SCHIP1: variants seen among roughly 807,000 people sequenced by gnomAD.
The protein encoded by SCHIP1 is schwannomin-interacting protein 1.
In SCHIP1, 8 loss-of-function variants were observed where a neutral mutation model predicts 29.7. The observed-to-expected ratio is 0.27, with a 90% CI of 0.16 to 0.49. SCHIP1 has a LOEUF of 0.49. SCHIP1 is among the 20% of genes least tolerant of loss of function. The pLI is 0.99. For synonymous variants in SCHIP1, 76 were observed against 94.9 expected, an observed-to-expected ratio of 0.80 and a Z score of 1.16; for missense variants, 193 against 294.6, an observed-to-expected ratio of 0.66 and a Z score of 2.52.
chr3:159,316,855 GT>G, the SCHIP1 span, among the ~76,000 whole-genome samples: 12 of 152,176 alleles, frequency 7.9e-5, no homozygotes, highest in Non-Finnish European at 1.5e-4. Flanking sequence ...GCACAAACAT[GT>G]TTTTAACAAA....
the SCHIP1 span, among the ~76,000 whole-genome samples, chr3:159,511,496 C>A: frequency 6.6e-6 from 1 of 152,304 alleles, no homozygotes; most frequent in East Asian, 1.9e-4. Flanking sequence ...GTTCAATGAG[C>A]CCCAGTGAGA....
the SCHIP1 span, among the ~76,000 whole-genome samples, chr3:159,750,282 TATATATATATATATAC>T: frequency 9.8e-5 from 3 of 30,698 alleles, no homozygotes; most frequent in Admixed American, 3.5e-4. Context: ...TATATATATA[TATATATATATATATAC>T]ACACACACAC....
chr3:159,723,865 C>A, the SCHIP1 span, among the ~76,000 whole-genome samples: 1 of 152,186 alleles, frequency 6.6e-6, no homozygotes, highest in African/African-American at 2.4e-5. Flanking sequence ...CCAAAAGAAC[C>A]TTGACCAAAA....
chr3:159,577,380 T>C, the SCHIP1 span, among the ~76,000 whole-genome samples: 2 of 152,214 alleles, frequency 1.3e-5, no homozygotes, highest in African/African-American at 4.8e-5. Flanking sequence ...TTTTGTCAGG[T>C]AACATTTTCT....
the SCHIP1 span, among the ~76,000 whole-genome samples, chr3:159,556,340 C>A: frequency 6.6e-6 from 1 of 152,034 alleles, no homozygotes; most frequent in Non-Finnish European, 1.5e-5. Context: ...CTAGTTCAAC[C>A]ATTGTGGAAG....
chr3:159,306,142 T>A, the SCHIP1 span, among the ~76,000 whole-genome samples: 1 of 152,218 alleles, frequency 6.6e-6, no homozygotes, highest in Admixed American at 6.5e-5. Context: ...TTAATCACCA[T>A]CTGCAGTAAC....
At chr3:159,674,157 C>T in the SCHIP1 span, among the ~76,000 whole-genome samples, 1 of 152,214 alleles carries the variant, frequency 6.6e-6, no homozygotes, top group Non-Finnish European at 1.5e-5. Context: ...CACAAACTTT[C>T]ACTCTCTTCA....
chr3:159,296,210 G>A, the SCHIP1 span, among the ~76,000 whole-genome samples: 14 of 151,246 alleles, frequency 9.3e-5, no homozygotes, highest in African/African-American at 3.4e-4. Flanking sequence ...TTTCACATGT[G>A]AACATAAAAA....
chr3:159,514,965 C>G, the SCHIP1 span, among the ~76,000 whole-genome samples: 1 of 151,814 alleles, frequency 6.6e-6, no homozygotes, highest in African/African-American at 2.4e-5. Context: ...CCCTAGACTC[C>G]TTTTTTCCCT....
the SCHIP1 span, among the ~76,000 whole-genome samples, chr3:159,834,223 A>C: frequency 1.3e-5 from 2 of 152,346 alleles, no homozygotes; most frequent in East Asian, 1.9e-4. Context: ...TGAGTAAACC[A>C]ACCAAGATGT....
At chr3:159,449,572 G>A in the SCHIP1 span, among the ~76,000 whole-genome samples, 1 of 151,986 alleles carries the variant, frequency 6.6e-6, no homozygotes, top group Non-Finnish European at 1.5e-5. Flanking sequence ...TCATTATATG[G>A]ATAAGAAAAG....
chr3:159,366,941 CT>C, the SCHIP1 span, among the ~76,000 whole-genome samples: 2 of 152,150 alleles, frequency 1.3e-5, no homozygotes, highest in African/African-American at 4.8e-5. Context: ...TTCAATGCCC[CT>C]GGAAACTAGA....
At chr3:159,673,547 A>T in the SCHIP1 span, among the ~76,000 whole-genome samples, 7 of 152,198 alleles carry the variant, frequency 4.6e-5, no homozygotes, top group Non-Finnish European at 4.4e-5. Context: ...AGGTTCCTGG[A>T]GGAAAGAACT....
the SCHIP1 span, among the ~76,000 whole-genome samples, chr3:159,821,933 G>A: frequency 6.6e-6 from 1 of 152,250 alleles, no homozygotes; most frequent in African/African-American, 2.4e-5. Context: ...GCAGGGACTG[G>A]AGACAGTGTG....
the SCHIP1 span, among the ~76,000 whole-genome samples, chr3:159,780,629 G>C: frequency 9.2e-5 from 14 of 152,278 alleles, no homozygotes; most frequent in East Asian, 2.7e-3. Context: ...ATGCCAAGTT[G>C]GCATCCTACA....
chr3:159,690,180 C>A, the SCHIP1 span, among the ~76,000 whole-genome samples: 1 of 152,150 alleles, frequency 6.6e-6, no homozygotes, highest in Non-Finnish European at 1.5e-5. Flanking sequence ...GGTACCAGCT[C>A]CTTTTTGTAC....
the SCHIP1 span, among the ~76,000 whole-genome samples, chr3:159,473,179 A>G: frequency 1.3e-5 from 2 of 152,228 alleles, no homozygotes; most frequent in Non-Finnish European, 2.9e-5. Flanking sequence ...CATTGGAACA[A>G]TATTGACTTA....
chr3:159,482,284 C>A, the SCHIP1 span, among the ~76,000 whole-genome samples: 3 of 152,060 alleles, frequency 2.0e-5, no homozygotes, highest in Admixed American at 6.6e-5. Context: ...AAAGAAGACA[C>A]CTATTTATAT....
chr3:159,510,976 C>T, the SCHIP1 span, among the ~76,000 whole-genome samples: 1 of 152,200 alleles, frequency 6.6e-6, no homozygotes, highest in African/African-American at 2.4e-5. Context: ...GCTGGGAGAA[C>T]CACTACTCTC....
Sources: allele counts gnomAD v4.1 joint callset (sites outside exome capture counted in the v4.1 genomes callset), GRCh38; gene constraint gnomAD v4.1.1; transcripts MANE v1.5; gene names NCBI Gene and HGNC (gene_info 2026-07-23, HGNC 2026-07-21).